Variants in SCARF2 observed in about 807,000 individuals in gnomAD.
SCARF2 encodes scavenger receptor expressed by endothelial cells 2 protein.
Under a neutral mutation model 73.4 loss-of-function variants are expected in SCARF2, and 39 were observed. The ratio of observed to expected loss-of-function variants is 0.53; its 90% CI spans 0.41 to 0.69. The LOEUF (loss-of-function observed/expected upper bound fraction) is 0.69, where lower values mean the gene tolerates loss of function less well. SCARF2 is among the 30% of genes least tolerant of loss of function. The pLI, the probability that SCARF2 is intolerant of heterozygous loss-of-function variation, is 0.00. For missense variants in SCARF2, 1,148 were observed against 1,303.5 expected, an observed-to-expected ratio of 0.88 and a Z score of 1.84; for synonymous variants, 605 against 590.0, an observed-to-expected ratio of 1.03 and a Z score of -0.37.
Position 20,429,298 on chromosome 22 carries a change from G to A in SCARF2, c.1467C>T (p.Cys489=), listed in dbSNP as rs1325689718. The A allele has an allele frequency of 6.2e-7, 1 of 1,612,262 alleles. No homozygotes were observed. Among genetic ancestry groups the A allele is most frequent in the Non-Finnish European group, 8.5e-7 (1 of 1,179,496 alleles). ...LGRKKAPHRL[C]GRFSRISMKL... Reference sequence around the variant, plus strand: ...TCATGCTGATGCGACTGAAGCGCCCGCATAGTCGGTGCGGCGCCTTCTTCC... The same window carrying A: ...TCATGCTGATGCGACTGAAGCGCCCACATAGTCGGTGCGGCGCCTTCTTCC... The change falls in exon 9 of 11, where the codon TGC becomes TGT. Residue 489 remains cysteine, a synonymous_variant. Transcript: ENST00000622235. This position sits in a 1 kb window ranked among gnomAD's most constrained non-coding sequence, Gnocchi z 5.2.
intron 6 of SCARF2, among the ~76,000 whole-genome samples, chr22:20,430,097 TG>T (rs979609821): frequency 1.3e-5 from 2 of 152,128 alleles, no homozygotes; most frequent in Admixed American, 6.5e-5. Context: ...CGCCCACTGC[TG>T]GGGCTGACTC....
rs776495317 is a variant in SCARF2 at position 20,431,932 on chromosome 22, A to G, written c.230T>C (p.Ile77Thr). 1 of 1,562,664 alleles carries G rather than the reference A, an allele frequency of 6.4e-7. No homozygotes were observed. The highest frequency in any genetic ancestry group is 8.7e-7 in the Non-Finnish European group (1 of 1,153,700). ...GWRQQGDECG[I>T]AVCEGNSTCS... The stretch of plus-strand genomic sequence containing the variant: ...GGTCCCCGGGATGACCCACTCACCA[A>G]TCCCACACTCGTCCCCTTGCTGCCT... Residue 77 changes from isoleucine (I) to threonine (T), a missense_variant and splice_region_variant, in exon 2 of 11, where the codon ATT becomes ACT. Ile to Thr is a moderately conservative substitution (Grantham distance 89). This residue lies in a region of SCARF2 where 124 missense variants were observed against 120.4 expected (regional missense o/e 1.03). Transcript: ENST00000622235.
chr22:20,425,493 G>A lies in SCARF2; in HGVS notation c.2483C>T (p.Ala828Val). The part of the protein sequence containing the change: ...ATETPGPEKA[A>V]TDLPAPETPR... ...GGTCTCAGGCGCGGGCAAGTCGGTC[G>A]CCGCCTTCTCAGGCCCCGGGGTTTC... The change falls in exon 11 of 11, where the codon GCG becomes GTG. Residue 828 changes from alanine (A) to valine (V), a missense_variant. Transcript: ENST00000622235. This position sits in a 1 kb window ranked among gnomAD's most constrained non-coding sequence, Gnocchi z 4.6. The A allele has an allele frequency of 1.5e-6, 2 of 1,364,290 alleles. No homozygotes were observed. The highest frequency in any genetic ancestry group is 3.6e-5 in the South Asian group (2 of 56,168). 84.5% of individuals were successfully genotyped at this position (1,364,290 alleles called of 1,614,324 possible).
At chr22:20,432,189 C>G (rs888614460) in intron 1 of SCARF2, among the ~76,000 whole-genome samples, 2 of 152,166 alleles carry the variant, frequency 1.3e-5, no homozygotes, top group Non-Finnish European at 2.9e-5. Flanking sequence ...AAGAACTTTC[C>G]AGCCCAGAAC....
At chr22:20,435,579 T>C (rs1217888562) in intron 1 of SCARF2, among the ~76,000 whole-genome samples, 1 of 152,226 alleles carries the variant, frequency 6.6e-6, no homozygotes, top group Non-Finnish European at 1.5e-5. Flanking sequence ...TCCTGGACTC[T>C]GCCCAGCCTC....
At chr22:20,430,636 G>C (rs956899511) in intron 5 of SCARF2, 54 bp downstream of exon 5, 3 of 1,603,338 alleles carry the variant, frequency 1.9e-6, no homozygotes, top group Non-Finnish European at 2.6e-6. Context: ...GCCTTTGTTA[G>C]GGAGGCAGGG....
At chr22:20,435,134 C>G (rs920734205) in intron 1 of SCARF2, among the ~76,000 whole-genome samples, 2 of 151,808 alleles carry the variant, frequency 1.3e-5, no homozygotes, top group Non-Finnish European at 2.9e-5. Context: ...GAACTCTTGA[C>G]CTCCTTGCAC....
In SCARF2 at chr22:20,431,129, C is replaced by T. The variant is rs112689273; in HGVS notation, c.743G>A (p.Arg248His). The change falls in exon 4 of 11, where the codon CGC becomes CAC. Residue 248 changes from arginine to histidine, a missense_variant. Transcript: ENST00000622235. ...ARCDRYCQCF[R>H]GRCHPVDGTC... Reference sequence around the variant, plus strand: ...GCCGTCCACAGGGTGGCAGCGGCCGCGGAAGCACTGGCAGTAGCGATCGCA... The same window carrying T: ...GCCGTCCACAGGGTGGCAGCGGCCGTGGAAGCACTGGCAGTAGCGATCGCA... The T allele has an allele frequency of 2.6e-6, 4 of 1,564,584 alleles. No individual in the cohort carries two copies. The highest frequency in any genetic ancestry group is 1.3e-5 in the African/African-American group (1 of 74,212).
chr22:20,432,119 T>C, intron 1 of SCARF2, 131 bp from the exon 2 acceptor site: 1 of 929,232 alleles, frequency 1.1e-6, no homozygotes, highest in South Asian at 1.4e-5. Flanking sequence ...GGGTGGTTAA[T>C]GAGGTCCTGC....
In SCARF2 at chr22:20,429,280, G is replaced by T; in HGVS notation, c.1485C>A (p.Ile495=). 1 of 1,611,292 alleles carries T rather than the reference G, an allele frequency of 6.2e-7. No individual in the cohort carries two copies. The highest frequency in any genetic ancestry group is 8.5e-7 in the Non-Finnish European group (1 of 1,178,674). Residue 495 remains isoleucine, a synonymous_variant, in exon 9 of 11, where the codon ATC becomes ATA. Coordinates refer to ENST00000622235, the MANE Select transcript of SCARF2 (RefSeq NM_182895.5). This position sits in a 1 kb window ranked among gnomAD's most constrained non-coding sequence, Gnocchi z 5.2. ...PHRLCGRFSR[I]SMKLPRIPLR... ...GCGGGATCCGGGGCAGCTTCATGCT[G>T]ATGCGACTGAAGCGCCCGCATAGTC...
chr22:20,427,916 G>A (rs1247459454), intron 9 of SCARF2, among the ~76,000 whole-genome samples: 1 of 152,228 alleles, frequency 6.6e-6, no homozygotes, highest in African/African-American at 2.4e-5. Context: ...TTTAGGCCCT[G>A]CCTTGTGCGA....
chr22:20,433,589 C>T (rs1224942271), intron 1 of SCARF2, among the ~76,000 whole-genome samples: 1 of 152,240 alleles, frequency 6.6e-6, no homozygotes, highest in Admixed American at 6.5e-5. Context: ...CTCGAGGCCC[C>T]TCCTCCTGAA....
chr22:20,436,989 C>T (rs2052707317), intron 1 of SCARF2, among the ~76,000 whole-genome samples: 1 of 152,198 alleles, frequency 6.6e-6, no homozygotes, highest in South Asian at 2.1e-4. Flanking sequence ...ATCCTCCGGT[C>T]CCCTGTGCCT....
rs143320202 is a variant in SCARF2 at position 20,427,542 on chromosome 22, G to T, written c.1549C>A (p.His517Asn). Residue 517 changes from histidine (H) to asparagine (N), a missense_variant, in exon 10 of 11, where the codon CAC (histidine) becomes AAC (asparagine). Physicochemically the swap from His to Asn is moderately conservative, Grantham distance 68. Coordinates refer to ENST00000622235, the MANE Select transcript of SCARF2 (RefSeq NM_182895.5). ...CAGTTGAGTGTGTTATCCAGGTCGT[G>T]GTGGGCCACTGGGGAAGGATGAGGC... ...QKLPKVVVAH[H>N]DLDNTLNCSF... 9 of 1,613,126 alleles carry T rather than the reference G, an allele frequency of 5.6e-6. No homozygotes were observed. The African/African-American group carries it at 8.0e-5, about 14-fold the overall frequency.
rs1445809740 is a variant in SCARF2, at chr22:20,429,827, G to C, written c.1209C>G (p.Asn403Lys). 6.2e-7 allele frequency: 1 copy of C among 1,612,568 alleles called. No homozygotes were observed. Among genetic ancestry groups the C allele is most frequent in the Admixed American group, 1.7e-5 (1 of 59,970 alleles). The change falls in exon 7 of 11, where the codon AAC (asparagine) becomes AAG (lysine). Residue 403 changes from asparagine (N) to lysine (K), a missense_variant. This residue lies in a region of SCARF2 where 372 missense variants were observed against 532.0 expected (regional missense o/e 0.70). Transcript: ENST00000622235. The surrounding 1 kb of genome is among the most constrained non-coding windows in gnomAD (Gnocchi z 5.2). ...CSPGVHGPHC[N>K]VTCPPGLHGA... is the part of the protein sequence containing the mutation. ...CGTGGAGTCCGGGCGGGCACGTCAC[G>C]TTACAGCTGCCGGGACATAGGGTCA...
At position 20,431,790 on chromosome 22, in the gene SCARF2, C is replaced by T. The variant is rs1230694910; in HGVS notation, c.289G>A (p.Glu97Lys). 11 of 1,594,500 alleles carry T rather than the reference C, an allele frequency of 6.9e-6. No individual in the cohort carries two copies. The highest frequency in any genetic ancestry group is 6.8e-6 in the Non-Finnish European group (8 of 1,171,876). Residue 97 changes from glutamate (E) to lysine (K), a missense_variant, in exon 3 of 11, where the codon GAG becomes AAG. By Grantham distance (56) the Glu-to-Lys change is moderately conservative. Coordinates refer to ENST00000622235, the MANE Select transcript of SCARF2 (RefSeq NM_182895.5). Reference protein sequence around the residue: ...SENEVCVRPGECRCRHGYFGA... With the variant: ...SENEVCVRPGKCRCRHGYFGA... The stretch of plus-strand genomic sequence containing the variant: ...AAGTAGCCGTGGCGGCAGCGGCACT[C>T]GCCAGGCCTCACGCACACCTCGTTC...
intron 1 of SCARF2, among the ~76,000 whole-genome samples, chr22:20,432,625 TG>T (rs954219035): frequency 6.6e-6 from 1 of 152,050 alleles, no homozygotes; most frequent in Non-Finnish European, 1.5e-5. Context: ...AGCAGGCACA[TG>T]GGGAGTCCTC....
In SCARF2 at chr22:20,429,805, G is replaced by A. The variant is rs1569108295; in HGVS notation, c.1231C>T (p.His411Tyr). Residue 411 changes from histidine (H) to tyrosine (Y), a missense_variant, in exon 7 of 11, where the codon CAC becomes TAC. This residue lies in a region of SCARF2 where 372 missense variants were observed against 532.0 expected (regional missense o/e 0.70). Coordinates refer to ENST00000622235, the MANE Select transcript of SCARF2 (RefSeq NM_182895.5). The surrounding 1 kb of genome is among the most constrained non-coding windows in gnomAD (Gnocchi z 5.2). Reference protein sequence around the residue: ...HCNVTCPPGLHGADCAQACSC... With the variant: ...HCNVTCPPGLYGADCAQACSC... Reference sequence around the variant, plus strand: ...CAGGCCTGAGCACAGTCCGCGCCGTGGAGTCCGGGCGGGCACGTCACGTTA... The same window carrying A: ...CAGGCCTGAGCACAGTCCGCGCCGTAGAGTCCGGGCGGGCACGTCACGTTA... The A allele has an allele frequency of 1.2e-6, 2 of 1,613,176 alleles. No homozygotes were observed. The highest frequency in any genetic ancestry group is 1.7e-6 in the Non-Finnish European group (2 of 1,179,838).
At position 20,426,187 on chromosome 22, in the gene SCARF2, C is replaced by A; in HGVS notation, c.1789G>T (p.Glu597Ter). Residue 597 changes from glutamate (E) to a stop codon, truncating the protein, a stop_gained, in exon 11 of 11, where the codon GAG (glutamate) becomes TAG (stop). Coordinates refer to ENST00000622235, the MANE Select transcript of SCARF2 (RefSeq NM_182895.5). LOFTEE classifies it low-confidence loss of function (END_TRUNC). ...PVPLTTPASA[E>*]EAIPLPASSD... ...GACGCGGGGAGGGGTATCGCCTCCT[C>A]GGCGGAGGCTGGCGTGGTCAAGGGC... 1 of 1,511,808 alleles carries A rather than the reference C, an allele frequency of 6.6e-7. No homozygotes were observed. Among genetic ancestry groups the A allele is most frequent in the Non-Finnish European group, 8.8e-7 (1 of 1,135,934 alleles). 93.6% of individuals were successfully genotyped at this position (1,511,808 alleles called of 1,614,324 possible). A position where few individuals can be genotyped will look rare whatever the true frequency, so the allele number is the denominator to read the frequency against.
Sources: gnomAD v4.1 joint callset for allele counts (sites outside exome capture counted in the v4.1 genomes callset) on GRCh38, gnomAD v4.1.1 for gene constraint, gnomAD v4.1.1 regional missense constraint, Gnocchi (gnomAD v3.1) non-coding constraint, MANE v1.5 for transcripts, NCBI Gene and HGNC (gene_info 2026-07-23, HGNC 2026-07-21) for gene names.